Variants in CHD1 observed in about 807,000 individuals in gnomAD.
The protein encoded by CHD1 is chromodomain helicase DNA binding protein 1.
A neutral mutation model predicts 224.2 loss-of-function variants in CHD1; 36 were observed. The observed-to-expected ratio is 0.16, with a 90% CI of 0.12 to 0.21. The LOEUF (loss-of-function observed/expected upper bound fraction) is 0.21. CHD1 is among the 10% of genes least tolerant of loss of function. The probability of loss-of-function intolerance (pLI) is 1.00; values close to 1 mark genes in which losing one functional copy is unlikely to be tolerated. For synonymous variants in CHD1, 668 were observed against 658.3 expected (o/e 1.01, Z -0.23); for missense variants, 1,378 against 1,994.8 (o/e 0.69, Z 5.89).
At chr5:98,927,763 C>T (rs1753572346) in intron 1 of CHD1, among the ~76,000 whole-genome samples, 1 of 152,084 alleles carries the variant, frequency 6.6e-6, no homozygotes. Context: ...TCCTTTTCAC[C>T]TTCCTTTCGT....
chr5:98,896,396 T>C lies in CHD1; in HGVS notation c.1540A>G (p.Ile514Val). 2 of 1,614,076 alleles carry C rather than the reference T, an allele frequency of 1.2e-6. No homozygotes were observed. The highest frequency in any genetic ancestry group is 1.7e-6 in the Non-Finnish European group (2 of 1,179,984). Residue 514 changes from isoleucine (I) to valine (V), a missense_variant, in exon 12 of 36, where the codon ATA (isoleucine) becomes GTA (valine). Physicochemically the swap from Ile to Val is conservative, Grantham distance 29. Transcript: ENST00000614616. Reference sequence around the variant, plus strand: ...TAATTCAGAAATGAGATCGTCTGTATTGTTTTTCCAAGGCCCATTTCATCA... The same window carrying C: ...TAATTCAGAAATGAGATCGTCTGTACTGTTTTTCCAAGGCCCATTTCATCA... The part of the protein sequence containing the change: ...LADEMGLGKT[I>V]QTISFLNYLF...
chr5:98,904,859 C>G, intron 3 of CHD1, 38 bp downstream of exon 3: 1 of 1,592,378 alleles, frequency 6.3e-7, no homozygotes, highest in South Asian at 1.1e-5. Flanking sequence ...CAAAGTAATA[C>G]AAGCAATCTA....
chr5:98,900,549 C>A (rs1359194516), intron 7 of CHD1, among the ~76,000 whole-genome samples: 1 of 151,538 alleles, frequency 6.6e-6, no homozygotes, highest in Admixed American at 6.6e-5. Context: ...AAGCAATTCC[C>A]TTGCCTCGGC....
intron 2 of CHD1, among the ~76,000 whole-genome samples, chr5:98,908,354 A>G (rs1354226128): frequency 6.6e-6 from 1 of 152,162 alleles, no homozygotes; most frequent in East Asian, 1.9e-4. Context: ...TTACTTCCAC[A>G]GCACTCCCAA....
At chr5:98,910,930 T>C (rs73776028) in intron 2 of CHD1, among the ~76,000 whole-genome samples, 18,754 of 151,142 alleles carry the variant, frequency 0.12, 1,850 homozygotes, top group African/African-American at 0.28. Context: ...TGACAGTGTG[T>C]ATTTTGATGT....
chr5:98,922,968 G>T (rs1011577123), intron 2 of CHD1, among the ~76,000 whole-genome samples: 9 of 151,422 alleles, frequency 5.9e-5, no homozygotes, highest in Admixed American at 1.3e-4. Context: ...CAGCCTGGGC[G>T]ACAGAGCAAG....
In CHD1 at chr5:98,905,036, C is replaced by T. The variant is rs753975187; in HGVS notation, c.116G>A (p.Ser39Asn). The T allele has an allele frequency of 6.3e-7, 1 of 1,578,998 alleles. No individual in the cohort carries two copies. The highest frequency in any genetic ancestry group is 8.7e-7 in the Non-Finnish European group (1 of 1,147,902). ...TGACTGGCTACTGCTTCCATCACTACTGCTTCCAGAACTCGAACCAGATCC... is the reference window on the plus strand; with the variant it reads ...TGACTGGCTACTGCTTCCATCACTATTGCTTCCAGAACTCGAACCAGATCC... ...GSGSGSSSGSSSDGSSSQSGS... is the reference protein window; with the variant it reads ...GSGSGSSSGSNSDGSSSQSGS... Residue 39 changes from serine to asparagine, a missense_variant, in exon 3 of 36, where the codon AGT (serine) becomes AAT (asparagine). Physicochemically the swap from Ser to Asn is conservative, Grantham distance 46. Coordinates refer to ENST00000614616, the MANE Select transcript of CHD1 (RefSeq NM_001270.4).
At position 98,869,859 on chromosome 5, in the gene CHD1, T is replaced by C. The variant is rs1256308938; in HGVS notation, c.4002A>G (p.Ala1334=). 16 of 1,605,560 alleles carry C rather than the reference T, an allele frequency of 1.0e-5. No homozygotes were observed. The highest frequency in any genetic ancestry group is 1.4e-5 in the Non-Finnish European group (16 of 1,173,076). The change falls in exon 30 of 36, where the codon GCA becomes GCG. Residue 1334 remains alanine (A), a synonymous_variant. Coordinates refer to ENST00000614616, the MANE Select transcript of CHD1 (RefSeq NM_001270.4). Reference sequence around the variant, plus strand: ...TCATTGCTTTATTCTTCTTAGCTCTTGCTTTTCTCCTCTTTGAACTTCCCT... The same window carrying C: ...TCATTGCTTTATTCTTCTTAGCTCTCGCTTTTCTCCTCTTTGAACTTCCCT... ...SGAGSSKRRK[A]RAKKNKAMKS... is the part of the protein sequence containing the mutation.
chr5:98,863,684 A>G, intron 31 of CHD1, 98 bp from the exon 32 acceptor site: 2 of 745,924 alleles, frequency 2.7e-6, no homozygotes, highest in East Asian at 3.0e-5. Context: ...GTATAATATT[A>G]TAACACTGTT....
chr5:98,909,732 C>T (rs965659169), intron 2 of CHD1, among the ~76,000 whole-genome samples: 1 of 152,102 alleles, frequency 6.6e-6, no homozygotes, highest in Non-Finnish European at 1.5e-5. Context: ...TGAGTTAAAT[C>T]GCCAGCATCC....
chr5:98,857,013 T>C (rs1384123950), intron 35 of CHD1, among the ~76,000 whole-genome samples: 2 of 152,140 alleles, frequency 1.3e-5, no homozygotes, highest in Non-Finnish European at 2.9e-5. Flanking sequence ...TTACACATCA[T>C]TTATATGACT....
intron 34 of CHD1, 49 bp downstream of exon 34, chr5:98,858,914 TA>T (rs751382695): frequency 8.3e-6 from 11 of 1,322,350 alleles, no homozygotes; most frequent in East Asian, 2.8e-5. Context: ...AACAAAAATT[TA>T]AAAAAAATTT....
At chr5:98,922,937 C>T (rs1160699798) in intron 2 of CHD1, among the ~76,000 whole-genome samples, 1 of 151,954 alleles carries the variant, frequency 6.6e-6, no homozygotes, top group African/African-American at 2.4e-5. Flanking sequence ...TGCAGTGAGC[C>T]GAGGTCATAC....
chr5:98,912,134 T>C (rs1752463240), intron 2 of CHD1, among the ~76,000 whole-genome samples: 1 of 152,186 alleles, frequency 6.6e-6, no homozygotes, highest in African/African-American at 2.4e-5. Context: ...CAAGTTTTCT[T>C]TATTAACATC....
In CHD1 at chr5:98,928,195, G is replaced by A. The variant is rs555177445; in HGVS notation, c.-149+344C>T. On this transcript the variant is annotated intron_variant, in intron 1 of 35. Coordinates refer to ENST00000614616, the MANE Select transcript of CHD1 (RefSeq NM_001270.4). ...GCCGCCGCCCCCTCCCCCTCCCGCC[G>A]CTCCCCACGTGCTGGGAGCCCGGGT... is the stretch of plus-strand genomic sequence containing the variant. Among the ~76,000 whole-genome samples the A allele has an allele frequency of 2.9e-3, 435 of 149,878 alleles. 2 individuals are homozygous for A. The highest frequency in any genetic ancestry group is 0.01 in the Middle Eastern group (3 of 290).
At chr5:98,888,357 A>T in intron 16 of CHD1, 117 bp from the exon 17 acceptor site, 1 of 783,828 alleles carries the variant, frequency 1.3e-6, no homozygotes. Flanking sequence ...ATGTTAGAAA[A>T]CAACTTATTT....
chr5:98,893,555 G>A lies in CHD1; in HGVS notation c.1852C>T (p.Arg618Ter). ...WAFIGVDEAH[R>*]LKNDDSLLYK... ...AGAAGGGAGTCATCATTCTTTAATCGGTGTGCTTCATCAACACCTATAAAT... is the reference window on the plus strand; with the variant it reads ...AGAAGGGAGTCATCATTCTTTAATCAGTGTGCTTCATCAACACCTATAAAT... Residue 618 changes from arginine to a stop codon, truncating the protein, a stop_gained, in exon 14 of 36, where the codon CGA becomes TGA. Coordinates refer to ENST00000614616, the MANE Select transcript of CHD1 (RefSeq NM_001270.4). LOFTEE classifies it high-confidence loss of function. 1 of 1,609,064 alleles carries A rather than the reference G, an allele frequency of 6.2e-7. No individual in the cohort carries two copies. The highest frequency in any genetic ancestry group is 8.5e-7 in the Non-Finnish European group (1 of 1,177,592).
chr5:98,885,818 T>C, intron 17 of CHD1, 169 bp from the exon 18 acceptor site: 1 of 557,896 alleles, frequency 1.8e-6, no homozygotes, highest in East Asian at 3.0e-5. Context: ...GTCTTTAGTC[T>C]GTGCTCCAAA....
intron 18 of CHD1, among the ~76,000 whole-genome samples, chr5:98,884,768 G>C (rs1750527382): frequency 6.6e-6 from 1 of 151,096 alleles, no homozygotes; most frequent in Admixed American, 6.6e-5. Context: ...CTGGGCTAGA[G>C]TCTAGTGACA....
Sources: gnomAD v4.1 joint callset for allele counts (sites outside exome capture counted in the v4.1 genomes callset) on GRCh38, gnomAD v4.1.1 for gene constraint, MANE v1.5 for transcripts, NCBI Gene and HGNC (gene_info 2026-07-23, HGNC 2026-07-21) for gene names.